The following WRNIP1 variants were observed in gnomAD, a reference collection of about 807,000 sequenced individuals.
WRNIP1 encodes the protein ATPase WRNIP1.
A neutral mutation model predicts 56.1 loss-of-function variants in WRNIP1; 41 were observed. The ratio of observed to expected loss-of-function variants is 0.73; its 90% confidence interval spans 0.57 to 0.95. WRNIP1 has a LOEUF of 0.95. WRNIP1 is among the 40% of genes least tolerant of loss of function. The pLI is 0.00. For missense variants in WRNIP1, 1,170 were observed against 939.4 expected (o/e 1.25, Z -3.21); for synonymous variants, 547 against 398.1 (o/e 1.37, Z -4.45).
At chr6:2,772,013 A>T (rs779810700) in intron 3 of WRNIP1, among the ~76,000 whole-genome samples, 1 of 152,212 alleles carries the variant, frequency 6.6e-6, no homozygotes, top group Non-Finnish European at 1.5e-5. Flanking sequence ...AATATTGATG[A>T]CATGAAGTCA....
At chr6:2,772,588 A>C (rs1407758929) in intron 3 of WRNIP1, among the ~76,000 whole-genome samples, 1 of 152,220 alleles carries the variant, frequency 6.6e-6, no homozygotes, top group Non-Finnish European at 1.5e-5. Context: ...CTTTAATACT[A>C]TTGCCCTTTT....
Position 2,766,250 on chromosome 6 carries a change from C to T in WRNIP1, c.628C>T (p.Pro210Ser), listed in dbSNP as rs1047032263. ...GGCCAGTGGCGGGGGCCGCCCGCAC[C>T]CCCGGGCGCTGGCTGCCGAGGAGAT... Reference protein sequence around the residue: ...FGASGGGRPHPRALAAEEIRQ... With the variant: ...FGASGGGRPHSRALAAEEIRQ... The change falls in exon 1 of 7, where the codon CCC becomes TCC. Residue 210 changes from proline to serine, a missense_variant. Transcript: ENST00000380773. The T allele has an allele frequency of 8.6e-6, 13 of 1,514,902 alleles. No individual in the cohort carries two copies. The highest frequency in any genetic ancestry group is 1.1e-5 in the Non-Finnish European group (12 of 1,131,340). The allele number at this position is 1,514,902 out of a possible 1,614,324, so 93.8% of individuals were successfully genotyped here.
intron 4 of WRNIP1, among the ~76,000 whole-genome samples, chr6:2,780,221 G>A (rs1244941102): frequency 6.6e-6 from 1 of 152,208 alleles, no homozygotes; most frequent in East Asian, 1.9e-4. Flanking sequence ...TCATGTTGCA[G>A]TAACTGTGGA....
chr6:2,784,254 C>T (rs1304852376), intron 5 of WRNIP1, 70 bp from the exon 6 acceptor site: 25 of 1,461,918 alleles, frequency 1.7e-5, no homozygotes, highest in South Asian at 2.4e-5. Flanking sequence ...GGTCTGTGGT[C>T]GCCTGCACAT....
At chr6:2,780,425 G>A (rs1411111980) in intron 4 of WRNIP1, among the ~76,000 whole-genome samples, 1 of 152,178 alleles carries the variant, frequency 6.6e-6, no homozygotes, top group East Asian at 1.9e-4. Context: ...CATGACCTAG[G>A]GGGGCTGACC....
At chr6:2,767,227 A>G (rs1393467280) in intron 1 of WRNIP1, among the ~76,000 whole-genome samples, 3 of 152,160 alleles carry the variant, frequency 2.0e-5, no homozygotes, top group African/African-American at 7.2e-5. Flanking sequence ...AACACTTGAG[A>G]AAAAAATGGA....
At chr6:2,770,551 G>T (rs757034763) in intron 3 of WRNIP1, among the ~76,000 whole-genome samples, 190 bp downstream of exon 3, 2 of 152,234 alleles carry the variant, frequency 1.3e-5, no homozygotes, top group Non-Finnish European at 1.5e-5. Context: ...CTGCACACTT[G>T]AAGATGCATT....
Position 2,785,044 on chromosome 6 carries a change from C to T in WRNIP1, c.1760C>T (p.Ala587Val), listed in dbSNP as rs1321566938. Residue 587 changes from alanine to valine, a missense_variant, in exon 7 of 7, where the codon GCC (alanine) becomes GTC (valine). Coordinates refer to ENST00000380773, the MANE Select transcript of WRNIP1 (RefSeq NM_020135.3). Reference protein sequence around the residue: ...LAQCVVYFARAPKSIEVYSAY... With the variant: ...LAQCVVYFARVPKSIEVYSAY... Reference sequence around the variant, plus strand: ...CAGTGTGTGGTCTACTTTGCCAGAGCCCCAAAGTCCATTGAGGTGTACAGC... The same window carrying T: ...CAGTGTGTGGTCTACTTTGCCAGAGTCCCAAAGTCCATTGAGGTGTACAGC... 1 of 1,613,964 alleles carries T rather than the reference C, an allele frequency of 6.2e-7. No individual in the cohort carries two copies. Among genetic ancestry groups the T allele is most frequent in the African/African-American group, 1.3e-5 (1 of 74,868 alleles).
intron 3 of WRNIP1, chr6:2,773,983 G>A (rs1242784424): frequency 5.1e-6 from 5 of 985,328 alleles, no homozygotes; most frequent in Non-Finnish European, 6.0e-6. Flanking sequence ...CCCCTGACAA[G>A]CTGGCCCCCA....
At chr6:2,770,821 AT>A (rs1396433150) in intron 3 of WRNIP1, among the ~76,000 whole-genome samples, 1 of 152,080 alleles carries the variant, frequency 6.6e-6, no homozygotes, top group Non-Finnish European at 1.5e-5. Flanking sequence ...AAAAAAAAAA[AT>A]CAAGTAAAAA....
At chr6:2,784,473 G>A in intron 6 of WRNIP1, 70 bp downstream of exon 6, 1 of 1,488,780 alleles carries the variant, frequency 6.7e-7, no homozygotes, top group African/African-American at 1.4e-5. Flanking sequence ...TTGTAGATTT[G>A]AATAAATGTC....
intron 3 of WRNIP1, among the ~76,000 whole-genome samples, chr6:2,772,052 T>C (rs1295071599): frequency 1.3e-5 from 2 of 152,228 alleles, no homozygotes; most frequent in African/African-American, 2.4e-5. Context: ...TCAGATACCC[T>C]CAGGTTTTTT....
intron 1 of WRNIP1, 59 bp downstream of exon 1, chr6:2,766,503 T>G: frequency 6.9e-7 from 1 of 1,443,850 alleles, no homozygotes; most frequent in Non-Finnish European, 9.2e-7. Flanking sequence ...ATGCAGCTGA[T>G]GGTCGGAGAG....
In WRNIP1 at chr6:2,768,830, G is replaced by A; in HGVS notation, c.962G>A (p.Arg321Lys). Reference protein sequence around the residue: ...QAQNEKSFFKRKTILFIDEIH... With the variant: ...QAQNEKSFFKKKTILFIDEIH... ...CAAAATGAAAAGAGCTTTTTCAAAAGGAAAACCATCCTTTTTATTGATGAG... is the reference window on the plus strand; with the variant it reads ...CAAAATGAAAAGAGCTTTTTCAAAAAGAAAACCATCCTTTTTATTGATGAG... Residue 321 changes from arginine (R) to lysine (K), a missense_variant, in exon 2 of 7, where the codon AGG becomes AAG. By Grantham distance (26) the Arg-to-Lys change is conservative. Transcript: ENST00000380773. 1 of 1,613,564 alleles carries A rather than the reference G, an allele frequency of 6.2e-7. No homozygotes were observed. Among genetic ancestry groups the A allele is most frequent in the South Asian group, 1.1e-5 (1 of 90,972 alleles).
rs370021923 is a variant in WRNIP1, at chr6:2,769,923, A to G, written c.1015-197A>G. 6.6e-5 allele frequency among the ~76,000 whole-genome samples: 10 copies of G among 152,270 alleles called. 1 individual carries two copies. Among genetic ancestry groups the G allele is most frequent in the African/African-American group, 2.4e-4 (10 of 41,538 alleles). On this transcript the variant is annotated intron_variant, in intron 2 of 6. Coordinates refer to ENST00000380773, the MANE Select transcript of WRNIP1 (RefSeq NM_020135.3). ...CAGGCTTGGACGGGCATTCCAGAAG[A>G]TGTGTTTCAGACTTAAAAGCAAGAG...
intron 3 of WRNIP1, among the ~76,000 whole-genome samples, chr6:2,777,420 C>T (rs899883208): frequency 2.0e-5 from 3 of 152,172 alleles, no homozygotes; most frequent in Non-Finnish European, 4.4e-5. Flanking sequence ...AATGGGGCTC[C>T]TGCTTTGACT....
At chr6:2,773,297 C>T (rs1765353130) in intron 3 of WRNIP1, 3 of 985,262 alleles carry the variant, frequency 3.0e-6, no homozygotes, top group Non-Finnish European at 3.6e-6. Context: ...AGAGGGAGCG[C>T]AGTATGATGA....
intron 1 of WRNIP1, among the ~76,000 whole-genome samples, chr6:2,767,629 C>T (rs552573361): frequency 6.6e-6 from 1 of 152,184 alleles, no homozygotes; most frequent in Non-Finnish European, 1.5e-5. Context: ...TTGTTAACCC[C>T]ATTTAAGGGA....
At position 2,766,120 on chromosome 6, in the gene WRNIP1, G is replaced by C; in HGVS notation, c.498G>C (p.Glu166Asp). 7.6e-7 allele frequency: 1 copy of C among 1,324,162 alleles called. No individual in the cohort carries two copies. The highest frequency in any genetic ancestry group is 9.6e-7 in the Non-Finnish European group (1 of 1,045,222). The allele number at this position is 1,324,162 out of a possible 1,614,324, so 82.0% of individuals were successfully genotyped here. A position where few individuals can be genotyped will look rare whatever the true frequency, so the allele number is the denominator to read the frequency against. Residue 166 changes from glutamate (E) to aspartate (D), a missense_variant, in exon 1 of 7, where the codon GAG becomes GAC. By Grantham distance (45) the Glu-to-Asp change is conservative. Coordinates refer to ENST00000380773, the MANE Select transcript of WRNIP1 (RefSeq NM_020135.3). ...ACGAGGCGGAGGCGCAGGAGGAGGAGGAGGCCGTGGGCGACGGCGATGGCG... is the reference window on the plus strand; with the variant it reads ...ACGAGGCGGAGGCGCAGGAGGAGGACGAGGCCGTGGGCGACGGCGATGGCG... ...SWDEAEAQEEEEAVGDGDGDG... is the reference protein window; with the variant it reads ...SWDEAEAQEEDEAVGDGDGDG...
Sources: gnomAD v4.1 joint callset for allele counts (sites outside exome capture counted in the v4.1 genomes callset) on GRCh38, gnomAD v4.1.1 for gene constraint, MANE v1.5 for transcripts, NCBI Gene and HGNC (gene_info 2026-07-23, HGNC 2026-07-21) for gene names.